The following LOC400499 variants were observed in gnomAD, a reference collection of about 807,000 sequenced individuals.
the LOC400499 span, among the ~76,000 whole-genome samples, chr16:11,433,218 C>T: frequency 6.6e-6 from 1 of 152,166 alleles, no homozygotes; most frequent in African/African-American, 2.4e-5. Flanking sequence ...CAACTCCTGA[C>T]CTACAACAAG....
chr16:11,407,968 C>CTCTTTTTTTT, the LOC400499 span, among the ~76,000 whole-genome samples: 1 of 116,176 alleles, frequency 8.6e-6, no homozygotes, highest in African/African-American at 3.4e-5. Context: ...TGTTCCAGAG[C>CTCTTTTTTTT]TGTTTTTTTT....
the LOC400499 span, chr16:11,469,093 A>C: frequency 1.0e-5 from 4 of 398,834 alleles, no homozygotes; most frequent in East Asian, 1.4e-4. Flanking sequence ...GGCAATAGTT[A>C]ACAGGGCTCT....
the LOC400499 span, among the ~76,000 whole-genome samples, chr16:11,443,022 T>A: frequency 6.6e-6 from 1 of 152,080 alleles, no homozygotes; most frequent in Non-Finnish European, 1.5e-5. Context: ...GGGGCTGTTG[T>A]GTATCTTGCA....
the LOC400499 span, among the ~76,000 whole-genome samples, chr16:11,501,233 C>T: frequency 2.6e-5 from 4 of 152,142 alleles, no homozygotes; most frequent in Non-Finnish European, 5.9e-5. Flanking sequence ...ACCCAGTGCT[C>T]TGCTGAAACC....
chr16:11,422,666 G>A, the LOC400499 span, among the ~76,000 whole-genome samples: 3 of 152,150 alleles, frequency 2.0e-5, no homozygotes, highest in Non-Finnish European at 4.4e-5. Flanking sequence ...CAAACCTGGG[G>A]ATACTACCAT....
chr16:11,399,779 G>C, the LOC400499 span: 1 of 398,862 alleles, frequency 2.5e-6, no homozygotes, highest in East Asian at 3.6e-5. Flanking sequence ...GTGAGCTGCA[G>C]CGTCGCAGGT....
At chr16:11,503,117 T>A in the LOC400499 span, among the ~76,000 whole-genome samples, 1 of 143,228 alleles carries the variant, frequency 7.0e-6, no homozygotes, top group Non-Finnish European at 1.5e-5. Flanking sequence ...AGAGATGAGG[T>A]TTCACCATGT....
chr16:11,427,165 C>A, the LOC400499 span, among the ~76,000 whole-genome samples: 1 of 151,304 alleles, frequency 6.6e-6, no homozygotes, highest in South Asian at 2.1e-4. Flanking sequence ...CAAGACCAGC[C>A]TGACCAACAA....
chr16:11,373,933 C>G, the LOC400499 span, among the ~76,000 whole-genome samples: 2 of 152,148 alleles, frequency 1.3e-5, no homozygotes, highest in Non-Finnish European at 2.9e-5. Context: ...AAGCACCCTT[C>G]TAGCCCTCAT....
At chr16:11,425,556 CAT>C in the LOC400499 span, 1 of 397,748 alleles carries the variant, frequency 2.5e-6, no homozygotes, top group Non-Finnish European at 4.4e-6. Flanking sequence ...ACTTGTAACT[CAT>C]GTCAGAAATG....
At chr16:11,437,662 G>C in the LOC400499 span, among the ~76,000 whole-genome samples, 1 of 152,204 alleles carries the variant, frequency 6.6e-6, no homozygotes, top group African/African-American at 2.4e-5. Flanking sequence ...GAGGTCAGGA[G>C]CTCAGGACCA....
At chr16:11,477,151 C>T in the LOC400499 span, among the ~76,000 whole-genome samples, 1 of 152,356 alleles carries the variant, frequency 6.6e-6, no homozygotes, top group Non-Finnish European at 1.5e-5. Flanking sequence ...AACTGAGGCT[C>T]AGAGAGGTGA....
At chr16:11,478,704 A>G in the LOC400499 span, 1 of 398,968 alleles carries the variant, frequency 2.5e-6, no homozygotes, top group Admixed American at 4.4e-5. Context: ...GAGCCCAGAC[A>G]GGTCACAAAG....
chr16:11,412,265 C>T, the LOC400499 span, among the ~76,000 whole-genome samples: 1 of 152,212 alleles, frequency 6.6e-6, no homozygotes, highest in Non-Finnish European at 1.5e-5. Context: ...TGACTCCTGG[C>T]CTTCACAGTC....
At chr16:11,390,377 T>G in the LOC400499 span, 1 of 1,237,222 alleles carries the variant, frequency 8.1e-7, no homozygotes, top group Non-Finnish European at 1.0e-6. Flanking sequence ...AGCCGCCGCA[T>G]GGCCTCCTCT....
the LOC400499 span, among the ~76,000 whole-genome samples, chr16:11,397,836 G>C: frequency 1.3e-5 from 2 of 151,112 alleles, no homozygotes; most frequent in Non-Finnish European, 2.9e-5. Context: ...GGGAGGAACG[G>C]TTGGAGGATG....
chr16:11,391,669 C>G, the LOC400499 span: 18 of 1,232,036 alleles, frequency 1.5e-5, no homozygotes, highest in East Asian at 3.2e-5. Flanking sequence ...CACTTACATT[C>G]CAGCTCCTCC....
chr16:11,435,951 C>T, the LOC400499 span: 1 of 398,540 alleles, frequency 2.5e-6, no homozygotes, highest in Non-Finnish European at 4.4e-6. Flanking sequence ...GCCTCCTTCT[C>T]CATGAAGCCC....
the LOC400499 span, among the ~76,000 whole-genome samples, chr16:11,427,891 A>T: frequency 6.6e-6 from 1 of 152,164 alleles, no homozygotes; most frequent in Non-Finnish European, 1.5e-5. Flanking sequence ...AGGTGTTCTG[A>T]TGTCTACAAC....
Sources: allele counts gnomAD v4.1 joint callset (sites outside exome capture counted in the v4.1 genomes callset), GRCh38; gene constraint gnomAD v4.1.1; transcripts MANE v1.5.